The following CYB5A variants were observed in gnomAD, a reference collection of about 807,000 sequenced individuals.
The protein encoded by CYB5A is cytochrome b5.
Under a neutral mutation model 16.2 loss-of-function variants are expected in CYB5A, and 10 were observed. The observed-to-expected ratio is 0.62, with a 90% CI of 0.38 to 1.04. The LOEUF (loss-of-function observed/expected upper bound fraction) is 1.04. Ranked by LOEUF, CYB5A falls within the 50% of genes least tolerant of loss-of-function variation. CYB5A has a pLI of 0.01. For missense variants in CYB5A, 161 were observed against 165.9 expected (o/e 0.97, Z 0.16); for synonymous variants, 62 against 57.0 (o/e 1.09, Z -0.40).
At chr18:74,275,791 G>A (rs1241403524) in intron 1 of CYB5A, among the ~76,000 whole-genome samples, 1 of 152,130 alleles carries the variant, frequency 6.6e-6, no homozygotes, top group Non-Finnish European at 1.5e-5. Context: ...AATAACCTCA[G>A]CCCCTTTAGA....
At chr18:74,263,538 G>T in intron 1 of CYB5A, 61 bp from the exon 2 acceptor site, 1 of 1,484,210 alleles carries the variant, frequency 6.7e-7, no homozygotes, top group Non-Finnish European at 9.4e-7. Context: ...AAGAGAAAAC[G>T]GCCAGAATTT....
At chr18:74,266,068 G>C (rs898126328) in intron 1 of CYB5A, among the ~76,000 whole-genome samples, 1 of 152,144 alleles carries the variant, frequency 6.6e-6, no homozygotes, top group Non-Finnish European at 1.5e-5. Context: ...TTCTACTGGG[G>C]CCATTTAGAT....
chr18:74,270,323 T>C (rs1982622319), intron 1 of CYB5A, among the ~76,000 whole-genome samples: 1 of 152,096 alleles, frequency 6.6e-6, no homozygotes, highest in Non-Finnish European at 1.5e-5. Flanking sequence ...GGGAGACCAA[T>C]GTGGGCGGAT....
intron 1 of CYB5A, among the ~76,000 whole-genome samples, chr18:74,274,137 A>G (rs1982777676): frequency 6.6e-6 from 1 of 152,270 alleles, no homozygotes; most frequent in East Asian, 1.9e-4. Context: ...AAATAGCAGA[A>G]GGTGATTTAT....
At chr18:74,274,193 T>C (rs1310933883) in intron 1 of CYB5A, among the ~76,000 whole-genome samples, 1 of 152,198 alleles carries the variant, frequency 6.6e-6, no homozygotes, top group Non-Finnish European at 1.5e-5. Context: ...GTAAAATAAG[T>C]ACAATCAATA....
In CYB5A at chr18:74,260,889, G is replaced by A; in HGVS notation, c.288+26C>T. 4 of 1,602,170 alleles carry A rather than the reference G, an allele frequency of 2.5e-6. No homozygotes were observed. In the African/African-American group the frequency reaches 5.3e-5, roughly 21 times the overall value. On this transcript the variant is annotated intron_variant, in intron 3 of 4. Coordinates refer to ENST00000340533, the MANE Select transcript of CYB5A (RefSeq NM_148923.4). ...GTATTAAATACAACGAGAACATCCAGAGATACTTGAGATGGTCACACTTAC... is the reference window on the plus strand; with the variant it reads ...GTATTAAATACAACGAGAACATCCAAAGATACTTGAGATGGTCACACTTAC...
intron 1 of CYB5A, among the ~76,000 whole-genome samples, chr18:74,271,158 T>G (rs1480781204): frequency 6.6e-6 from 1 of 152,250 alleles, no homozygotes; most frequent in Non-Finnish European, 1.5e-5. Context: ...AATATTTTAC[T>G]GTCTACTATG....
intron 3 of CYB5A, chr18:74,256,707 C>T: frequency 1.1e-6 from 1 of 897,420 alleles, no homozygotes; most frequent in Non-Finnish European, 1.8e-6. Flanking sequence ...AAAGCATTAG[C>T]AAAACAATCA....
chr18:74,257,378 C>A, intron 3 of CYB5A: 1 of 161,848 alleles, frequency 6.2e-6, no homozygotes, highest in South Asian at 1.7e-4. Context: ...ATCTTCTTGG[C>A]TCTGTAGCCC....
At chr18:74,271,659 T>C (rs1599257532) in intron 1 of CYB5A, among the ~76,000 whole-genome samples, 1 of 152,220 alleles carries the variant, frequency 6.6e-6, no homozygotes, top group Middle Eastern at 3.4e-3. Flanking sequence ...TGTGTGTGTG[T>C]GTGTGTGTGT....
At position 74,251,892 on chromosome 18, in the gene CYB5A, A is replaced by T. The variant is rs1981786538; in HGVS notation, c.*1692T>A. The T allele has an allele frequency of 6.6e-6, 1 of 152,262 alleles. No homozygotes were observed. The highest frequency in any genetic ancestry group is 2.4e-5 in the African/African-American group (1 of 41,476). The allele number at this position is 152,262 out of a possible 1,614,324, so 9.4% of individuals were successfully genotyped here. On this transcript the variant is annotated 3_prime_UTR_variant, in exon 5 of 5. Transcript: ENST00000340533. ...TACAGATGCTATTACTCAACATCTT[A>T]AAAATGATTTACAAGTTAACCCTTT...
rs1982093981 is a variant in CYB5A at position 74,258,956 on chromosome 18, A to C, written c.288+1959T>G. On this transcript the variant is annotated intron_variant, in intron 3 of 4. Coordinates refer to ENST00000340533, the MANE Select transcript of CYB5A (RefSeq NM_148923.4). Reference sequence around the variant, plus strand: ...TCAGGAGTTCAAGACAAGCCTGGCCAACAATGGTGAAACCCCATCTCTACT... The same window carrying C: ...TCAGGAGTTCAAGACAAGCCTGGCCCACAATGGTGAAACCCCATCTCTACT... 2.6e-5 allele frequency: 4 copies of C among 152,238 alleles called. No individual in the cohort carries two copies. In the South Asian group the frequency reaches 8.3e-4, roughly 32 times the overall value. The allele number at this position is 152,238 out of a possible 1,614,324, so 9.4% of individuals were successfully genotyped here.
At chr18:74,279,465 A>G (rs1348310661) in intron 1 of CYB5A, among the ~76,000 whole-genome samples, 1 of 152,222 alleles carries the variant, frequency 6.6e-6, no homozygotes. Context: ...GGGAGGCAGA[A>G]GTTGCAGTGA....
chr18:74,282,270 T>C (rs1200212126), intron 1 of CYB5A, among the ~76,000 whole-genome samples: 1 of 151,950 alleles, frequency 6.6e-6, no homozygotes, highest in African/African-American at 2.4e-5. Flanking sequence ...GGGGGTAAAA[T>C]AAGATAGTCA....
intron 3 of CYB5A, chr18:74,260,113 A>G (rs753641459): frequency 1.3e-5 from 2 of 152,300 alleles, no homozygotes; most frequent in Non-Finnish European, 2.9e-5. Context: ...AAATCAGCTC[A>G]CCAGTTCTCG....
At chr18:74,264,330 T>A (rs1982347024) in intron 1 of CYB5A, among the ~76,000 whole-genome samples, 1 of 152,148 alleles carries the variant, frequency 6.6e-6, no homozygotes, top group Admixed American at 6.5e-5. Flanking sequence ...CATCCTTTGG[T>A]AATGTCTGCT....
At chr18:74,289,878 G>A (rs1983466971) in intron 1 of CYB5A, among the ~76,000 whole-genome samples, 2 of 151,674 alleles carry the variant, frequency 1.3e-5, no homozygotes, top group Non-Finnish European at 2.9e-5. Context: ...CAGGACAGAC[G>A]CCACAACAAA....
intron 1 of CYB5A, among the ~76,000 whole-genome samples, chr18:74,280,934 G>A (rs1379790061): frequency 2.6e-5 from 4 of 152,126 alleles, no homozygotes; most frequent in Admixed American, 6.5e-5. Context: ...CAGAGTATAC[G>A]GACTGACCCC....
At chr18:74,254,909 T>C (rs1020243104) in intron 4 of CYB5A, among the ~76,000 whole-genome samples, 7 of 152,222 alleles carry the variant, frequency 4.6e-5, no homozygotes, top group African/African-American at 1.7e-4. Flanking sequence ...GTGTAGGCTT[T>C]AGAAATAGAC....
Sources: allele counts gnomAD v4.1 joint callset (sites outside exome capture counted in the v4.1 genomes callset), GRCh38; gene constraint gnomAD v4.1.1; transcripts MANE v1.5; gene names NCBI Gene and HGNC (gene_info 2026-07-23, HGNC 2026-07-21).